The following ADAM10 variants were observed in gnomAD, a reference collection of about 807,000 sequenced individuals.
ADAM10 encodes the protein disintegrin and metalloproteinase domain-containing protein 10.
A neutral mutation model predicts 90.1 loss-of-function variants in ADAM10; 17 were observed. The ratio of observed to expected loss-of-function variants is 0.19; its 90% CI spans 0.13 to 0.28. ADAM10 has a LOEUF of 0.28. Ranked by LOEUF, ADAM10 falls within the 10% of genes least tolerant of loss-of-function variation. ADAM10 has a pLI of 1.00. For synonymous variants in ADAM10, 310 were observed against 298.6 expected (o/e 1.04, Z -0.40); for missense variants, 610 against 914.3 (o/e 0.67, Z 4.29).
At chr15:58,696,655 C>T (rs1308126468) in intron 2 of ADAM10, among the ~76,000 whole-genome samples, 2 of 151,918 alleles carry the variant, frequency 1.3e-5, no homozygotes, top group Admixed American at 6.6e-5. Context: ...TGTACAGATG[C>T]GGTTTCACCA....
intron 2 of ADAM10, chr15:58,692,433 C>A (rs192914915): frequency 5.3e-4 from 291 of 548,650 alleles, no homozygotes; most frequent in African/African-American, 5.0e-3. Context: ...CAGTGTCATC[C>A]TCCTCATCGG....
intron 2 of ADAM10, among the ~76,000 whole-genome samples, chr15:58,690,227 C>G (rs1186805036): frequency 3.3e-5 from 5 of 152,142 alleles, no homozygotes; most frequent in African/African-American, 1.2e-4. Flanking sequence ...TAGGAAGAGA[C>G]AGGAACTTCC....
chr15:58,611,287 A>G (rs1292914279), intron 12 of ADAM10, 180 bp from the exon 13 acceptor site: 1 of 595,258 alleles, frequency 1.7e-6, no homozygotes, highest in East Asian at 2.9e-5. Context: ...AAAAATTTGA[A>G]AAACAGTAAA....
rs1215927189 is a variant in ADAM10 at position 58,593,589 on chromosome 15, T to C, written c.*3958A>G. The C allele has an allele frequency of 6.6e-6, 1 of 152,306 alleles. No individual in the cohort carries two copies. Among genetic ancestry groups the C allele is most frequent in the Non-Finnish European group, 1.5e-5 (1 of 68,138 alleles). The allele number at this position is 152,306 out of a possible 1,614,324, so 9.4% of individuals were successfully genotyped here. A position where few individuals can be genotyped will look rare whatever the true frequency, so the allele number is the denominator to read the frequency against. ...TGGTTTAGGATTTGACTTCCCTGGG[T>C]CTGCCCAATCAATAGTACTCCTTCA... On this transcript the variant is annotated 3_prime_UTR_variant, in exon 16 of 16. Coordinates refer to ENST00000260408, the MANE Select transcript of ADAM10 (RefSeq NM_001110.4).
intron 1 of ADAM10, among the ~76,000 whole-genome samples, chr15:58,742,112 T>C (rs931689093): frequency 6.6e-6 from 1 of 152,216 alleles, no homozygotes; most frequent in East Asian, 1.9e-4. Flanking sequence ...TCAGTATTTT[T>C]TACTTTTCTT....
intron 11 of ADAM10, among the ~76,000 whole-genome samples, chr15:58,614,768 A>C (rs1213069904): frequency 6.6e-5 from 10 of 152,306 alleles, no homozygotes; most frequent in East Asian, 1.9e-4. Context: ...AGCAAAAAAA[A>C]CCAATAATCA....
intron 1 of ADAM10, among the ~76,000 whole-genome samples, chr15:58,744,047 T>C (rs1346622551): frequency 2.0e-5 from 3 of 152,226 alleles, no homozygotes; most frequent in Non-Finnish European, 4.4e-5. Context: ...ACACGATCTA[T>C]CTGCAACCTA....
chr15:58,631,732 G>A (rs540759680), intron 9 of ADAM10, among the ~76,000 whole-genome samples: 17 of 152,280 alleles, frequency 1.1e-4, no homozygotes, highest in Admixed American at 5.2e-4. Flanking sequence ...GGAGAAGAGA[G>A]GACACTTATC....
chr15:58,705,722 T>C (rs1898263033), intron 2 of ADAM10, among the ~76,000 whole-genome samples: 1 of 152,214 alleles, frequency 6.6e-6, no homozygotes, highest in South Asian at 2.1e-4. Flanking sequence ...AAATACTTTC[T>C]ATAGGTTAGA....
In ADAM10 at chr15:58,749,552, G is replaced by T; in HGVS notation, c.-18C>A. ...AACACCATCTTCCGCTGCCGCTGCCGCCGCCGCCGCCTCCTCACGGGTTAA... is the reference window on the plus strand; with the variant it reads ...AACACCATCTTCCGCTGCCGCTGCCTCCGCCGCCGCCTCCTCACGGGTTAA... On this transcript the variant is annotated 5_prime_UTR_variant, in exon 1 of 16. Coordinates refer to ENST00000260408, the MANE Select transcript of ADAM10 (RefSeq NM_001110.4). 6.4e-7 allele frequency: 1 copy of T among 1,550,540 alleles called. No individual in the cohort carries two copies. The highest frequency in any genetic ancestry group is 8.7e-7 in the Non-Finnish European group (1 of 1,146,596).
intron 2 of ADAM10, among the ~76,000 whole-genome samples, chr15:58,699,188 C>A (rs1898062057): frequency 6.6e-6 from 1 of 152,134 alleles, no homozygotes; most frequent in Non-Finnish European, 1.5e-5. Context: ...CAAGATTACA[C>A]CCAGGAAAAC....
intron 10 of ADAM10, among the ~76,000 whole-genome samples, chr15:58,623,092 C>T (rs548531268): frequency 6.6e-6 from 1 of 152,312 alleles, no homozygotes; most frequent in Non-Finnish European, 1.5e-5. Context: ...GGAACCCATA[C>T]ATCTCAACAC....
At chr15:58,731,825 T>C (rs1240734673) in intron 1 of ADAM10, among the ~76,000 whole-genome samples, 1 of 152,080 alleles carries the variant, frequency 6.6e-6, no homozygotes, top group East Asian at 1.9e-4. Context: ...GCCCACCCCA[T>C]GACATGTGCG....
At chr15:58,635,565 C>CTTTT (rs1296060192) in intron 8 of ADAM10, among the ~76,000 whole-genome samples, 1 of 152,008 alleles carries the variant, frequency 6.6e-6, no homozygotes, top group African/African-American at 2.4e-5. Context: ...GCTAGTTCTA[C>CTTTT]TTTTGGAGCT....
intron 9 of ADAM10, among the ~76,000 whole-genome samples, chr15:58,629,776 A>G (rs570798656): frequency 6.9e-6 from 1 of 145,620 alleles, no homozygotes; most frequent in Non-Finnish European, 1.5e-5. Context: ...GTGTACAGTT[A>G]TAACTTTTTT....
intron 5 of ADAM10, among the ~76,000 whole-genome samples, chr15:58,662,910 T>C (rs1897002657): frequency 1.3e-5 from 2 of 152,200 alleles, no homozygotes; most frequent in African/African-American, 4.8e-5. Context: ...CACTGCTGTG[T>C]TTTTATCCTT....
intron 5 of ADAM10, among the ~76,000 whole-genome samples, chr15:58,651,321 G>A (rs1161337064): frequency 6.6e-6 from 1 of 152,006 alleles, no homozygotes; most frequent in African/African-American, 2.4e-5. Context: ...TAGTTGCCCT[G>A]CTGTGCTTTC....
Position 58,645,933 on chromosome 15 carries a change from T to A in ADAM10, c.735+122A>T, listed in dbSNP as rs897451638. 35 of 1,052,818 alleles carry A rather than the reference T, an allele frequency of 3.3e-5. No homozygotes were observed. In the South Asian group the frequency reaches 4.8e-4, roughly 15 times the overall value. The allele number at this position is 1,052,818 out of a possible 1,614,324, so 65.2% of individuals were successfully genotyped here. A position where few individuals can be genotyped will look rare whatever the true frequency, so the allele number is the denominator to read the frequency against. ...TACTTATCTTACACATTTTATCACA[T>A]CACAACTGAAAACACATACTTTTTC... is the stretch of plus-strand genomic sequence containing the variant. On this transcript the variant is annotated intron_variant, in intron 6 of 15. Coordinates refer to ENST00000260408, the MANE Select transcript of ADAM10 (RefSeq NM_001110.4).
At position 58,749,520 on chromosome 15, in the gene ADAM10, T is replaced by A; in HGVS notation, c.15A>T (p.Arg5Ser). 6.4e-7 allele frequency: 1 copy of A among 1,553,656 alleles called. No homozygotes were observed. Among genetic ancestry groups the A allele is most frequent in the South Asian group, 1.2e-5 (1 of 84,238 alleles). The change falls in exon 1 of 16, where the codon AGA (arginine) becomes AGT (serine). Residue 5 changes from arginine to serine, a missense_variant. Coordinates refer to ENST00000260408, the MANE Select transcript of ADAM10 (RefSeq NM_001110.4). The part of the protein sequence containing the change: MVLL[R>S]VLILLLSWAA... ...CCCAGGAGAGGAGCAGAATTAACACTCTCAGCAACACCATCTTCCGCTGCC... is the reference window on the plus strand; with the variant it reads ...CCCAGGAGAGGAGCAGAATTAACACACTCAGCAACACCATCTTCCGCTGCC...
Sources: gnomAD v4.1 joint callset for allele counts (sites outside exome capture counted in the v4.1 genomes callset) on GRCh38, gnomAD v4.1.1 for gene constraint, MANE v1.5 for transcripts, NCBI Gene and HGNC (gene_info 2026-07-23, HGNC 2026-07-21) for gene names.